The following CCDC7 variants were observed in gnomAD, a reference collection of about 807,000 sequenced individuals.
The protein encoded by CCDC7 is coiled-coil domain-containing protein 7.
CCDC7 carries 183 observed loss-of-function variants against 196.9 expected under a neutral mutation model. That is an observed-to-expected ratio of 0.93 (90% CI 0.82 to 1.05). The LOEUF (loss-of-function observed/expected upper bound fraction) is 1.05. Ranked by LOEUF, CCDC7 falls within the 50% of genes least tolerant of loss-of-function variation. CCDC7 has a pLI of 0.00. For synonymous variants in CCDC7, 525 were observed against 484.6 expected (o/e 1.08, Z -1.10); for missense variants, 1,540 against 1,482.2 (o/e 1.04, Z -0.64).
At chr10:32,674,363 G>A (rs2074569511) in intron 21 of CCDC7, among the ~76,000 whole-genome samples, 2 of 151,616 alleles carry the variant, frequency 1.3e-5, no homozygotes, top group African/African-American at 4.8e-5. Flanking sequence ...TTCAAAATTT[G>A]TTGTTTAATT....
chr10:32,446,882 T>TTGCC (rs71027088), upstream of CCDC7, among the ~76,000 whole-genome samples: 5 of 111,230 alleles, frequency 4.5e-5, no homozygotes, highest in African/African-American at 2.9e-5. Context: ...CAAGTGAGCG[T>TTGCC]TGCCTGCCTG....
At chr10:32,711,582 T>G (rs751020329) in intron 24 of CCDC7, 38 bp from the exon 26 acceptor site, 1 of 1,269,454 alleles carries the variant, frequency 7.9e-7, no homozygotes, top group Non-Finnish European at 1.1e-6. Context: ...AGTAGATTTG[T>G]TTTTCTAGTA....
exon 40 of CCDC7, chr10:32,851,845 C>A: frequency 6.2e-7 from 1 of 1,612,538 alleles, no homozygotes; most frequent in Non-Finnish European, 8.5e-7. Context: ...TGTGACTGCA[C>A]CTTCAAAAGC....
At chr10:32,607,721 G>T (rs1356634460) in intron 18 of CCDC7, among the ~76,000 whole-genome samples, 4 of 151,946 alleles carry the variant, frequency 2.6e-5, no homozygotes, top group Non-Finnish European at 4.4e-5. Context: ...TTTTGAATTT[G>T]GTTTGCTACT....
At chr10:32,565,968 A>C (rs1214243482) in intron 14 of CCDC7, among the ~76,000 whole-genome samples, 1 of 152,224 alleles carries the variant, frequency 6.6e-6, no homozygotes, top group Admixed American at 6.5e-5. Flanking sequence ...TACTGCAGGC[A>C]TTCCAATTAA....
chr10:32,527,911 G>A (rs2048922143), intron 11 of CCDC7, among the ~76,000 whole-genome samples: 1 of 152,026 alleles, frequency 6.6e-6, no homozygotes, highest in African/African-American at 2.4e-5. Flanking sequence ...GGGTACAAGT[G>A]TAATATTGTT....
At chr10:32,500,651 C>T (rs906304234) in intron 9 of CCDC7, among the ~76,000 whole-genome samples, 9 of 152,036 alleles carry the variant, frequency 5.9e-5, no homozygotes, top group Non-Finnish European at 1.2e-4. Flanking sequence ...GGGTGGCGGC[C>T]GGGCAGAGGC....
chr10:32,723,431 C>T (rs531418627), intron 25 of CCDC7, among the ~76,000 whole-genome samples: 2 of 152,096 alleles, frequency 1.3e-5, no homozygotes, highest in African/African-American at 4.8e-5. Flanking sequence ...ACCTAAAAAA[C>T]TGAGTCTTGT....
intron 24 of CCDC7, among the ~76,000 whole-genome samples, chr10:32,703,602 C>T (rs980633323): frequency 6.6e-6 from 1 of 152,060 alleles, no homozygotes; most frequent in South Asian, 2.1e-4. Flanking sequence ...TAATATCCTG[C>T]AGACTGTTTT....
In CCDC7 at chr10:32,582,877, T is replaced by A. The variant is rs3006739; in HGVS notation, c.1455-157T>A. ...CAGGACATATGTTACTATCTTCAAC[T>A]TGTTACCTAGCATCAATTTCATATT... On this transcript the variant is annotated intron_variant, in intron 16 of 41. Transcript: ENST00000639629. Among the ~76,000 whole-genome samples, 7 of 152,030 alleles carry A rather than the reference T, an allele frequency of 4.6e-5. 1 individual carries two copies. In the East Asian group the frequency reaches 1.4e-3, roughly 29 times the overall value.
intron 31 of CCDC7, among the ~76,000 whole-genome samples, chr10:32,816,198 A>ATGGCTCGGAGGGTCCTGCGCC (rs2088479218): frequency 6.6e-6 from 1 of 152,198 alleles, no homozygotes; most frequent in African/African-American, 2.4e-5. Flanking sequence ...TATCCTGCGC[A>ATGGCTCGGAGGGTCCTGCGCC]TGGCTCGGAG....
intron 28 of CCDC7, among the ~76,000 whole-genome samples, chr10:32,734,048 T>G (rs1468479251): frequency 1.3e-5 from 2 of 152,308 alleles, no homozygotes; most frequent in East Asian, 3.9e-4. Flanking sequence ...AAAGCAGAAC[T>G]ACCATTCAAC....
In CCDC7 at chr10:32,544,243, A is replaced by G; in HGVS notation, c.1080-4A>G. On this transcript the variant is annotated splice_polypyrimidine_tract_variant and splice_region_variant and intron_variant, in intron 12 of 41. Transcript: ENST00000639629. ...GATGCATTTTAAAACATTTTATGTT[A>G]CAGGAAGATGTCTCCAGAAAAAGAG... 6.2e-7 allele frequency: 1 copy of G among 1,601,018 alleles called. No homozygotes were observed. The highest frequency in any genetic ancestry group is 2.3e-5 in the East Asian group (1 of 44,286).
intron 20 of CCDC7, among the ~76,000 whole-genome samples, chr10:32,659,366 A>G (rs899756118): frequency 2.6e-5 from 4 of 152,152 alleles, no homozygotes; most frequent in Non-Finnish European, 5.9e-5. Flanking sequence ...ATTGATTTCT[A>G]GTTTTATACC....
intron 13 of CCDC7, among the ~76,000 whole-genome samples, chr10:32,562,531 A>G (rs1008321804): frequency 6.6e-6 from 1 of 152,244 alleles, no homozygotes; most frequent in Non-Finnish European, 1.5e-5. Context: ...CAGCATATAA[A>G]CAGAACCAAA....
chr10:32,832,372 G>A (rs1298447597), intron 32 of CCDC7, among the ~76,000 whole-genome samples: 1 of 151,980 alleles, frequency 6.6e-6, no homozygotes, highest in East Asian at 1.9e-4. Flanking sequence ...GCATGGTGGT[G>A]CGGGCCTGTA....
rs1564999600 is a variant in CCDC7 at position 32,658,650 on chromosome 10, A to AT, written c.2015-5403dup. ...ATGAATAGATAAAAATGTGCTGTAT[A>AT]TATACACAACGAAATATTATGTGGC... On this transcript the variant is annotated intron_variant, in intron 20 of 41. Coordinates refer to ENST00000639629, the Ensembl canonical transcript of CCDC7. Among the ~76,000 whole-genome samples, 3 of 152,324 alleles carry AT rather than the reference A, an allele frequency of 2.0e-5. No homozygotes were observed. The South Asian group carries it at 6.2e-4, about 32-fold the overall frequency.
intron 18 of CCDC7, among the ~76,000 whole-genome samples, chr10:32,601,876 A>G (rs1327105418): frequency 6.6e-6 from 1 of 152,100 alleles, no homozygotes; most frequent in African/African-American, 2.4e-5. Flanking sequence ...ACTCTGTAAA[A>G]TGGACCAATC....
intron 9 of CCDC7, among the ~76,000 whole-genome samples, chr10:32,516,864 A>T (rs190185037): frequency 1.3e-5 from 2 of 152,376 alleles, no homozygotes; most frequent in African/African-American, 4.8e-5. Flanking sequence ...ACTTGTACAT[A>T]AATGTTCATA....
Sources: allele counts gnomAD v4.1 joint callset (sites outside exome capture counted in the v4.1 genomes callset), GRCh38; gene constraint gnomAD v4.1.1; transcripts MANE v1.5; gene names NCBI Gene and HGNC (gene_info 2026-07-23, HGNC 2026-07-21).